Variants in TSC22D2 observed in about 807,000 individuals in gnomAD.
TSC22D2 encodes the protein TSC22 domain family protein 2.
Under a neutral mutation model 50.1 loss-of-function variants are expected in TSC22D2, and 5 were observed. The observed-to-expected ratio is 0.10, with a 90% confidence interval of 0.05 to 0.21. The LOEUF (loss-of-function observed/expected upper bound fraction) is 0.21, where lower values mean the gene tolerates loss of function less well. Among genes scored for constraint, TSC22D2 ranks in the 10% least tolerant of loss-of-function variants. The probability of loss-of-function intolerance (pLI) is 1.00; values close to 1 mark genes in which losing one functional copy is unlikely to be tolerated. For synonymous variants in TSC22D2, 501 were observed against 450.1 expected (o/e 1.11, Z -1.43); for missense variants, 1,003 against 1,015.5 (o/e 0.99, Z 0.17).
In TSC22D2 at chr3:150,458,640, T is replaced by G; in HGVS notation, c.*4T>G. ...GCCGAATGTCTCCTCAGCATAAAGC[T>G]TTCTTAAGCCTCATTAAGAAAAAAA... On this transcript the variant is annotated 3_prime_UTR_variant, in exon 3 of 3. Coordinates refer to ENST00000688009, the MANE Select transcript of TSC22D2 (RefSeq NM_001303264.2). The G allele has an allele frequency of 1.4e-5, 22 of 1,613,456 alleles. No homozygotes were observed. The highest frequency in any genetic ancestry group is 1.9e-5 in the Non-Finnish European group (22 of 1,179,720).
At chr3:150,429,753 G>A (rs1318859085) in intron 1 of TSC22D2, among the ~76,000 whole-genome samples, 1 of 152,098 alleles carries the variant, frequency 6.6e-6, no homozygotes, top group Non-Finnish European at 1.5e-5. Context: ...AGTATTAGAT[G>A]CCTGGTCATA....
intron 1 of TSC22D2, among the ~76,000 whole-genome samples, chr3:150,446,695 G>C (rs1353923487): frequency 6.6e-6 from 1 of 151,778 alleles, no homozygotes; most frequent in Non-Finnish European, 1.5e-5. Flanking sequence ...GTCTAAATCA[G>C]AATCAAGCAA....
intron 1 of TSC22D2, among the ~76,000 whole-genome samples, chr3:150,436,743 AG>A (rs1310219027): frequency 1.3e-5 from 2 of 152,228 alleles, no homozygotes; most frequent in Admixed American, 6.5e-5. Flanking sequence ...TTTATATTGA[AG>A]TCAAATGTGT....
In TSC22D2 at chr3:150,409,309, A is replaced by C; in HGVS notation, c.-42A>C. 6.5e-7 allele frequency: 1 copy of C among 1,545,994 alleles called. No homozygotes were observed. Among genetic ancestry groups the C allele is most frequent in the South Asian group, 1.2e-5 (1 of 83,178 alleles). On this transcript the variant is annotated 5_prime_UTR_variant, in exon 1 of 3. Transcript: ENST00000688009. This position sits in a 1 kb window ranked among gnomAD's most constrained non-coding sequence, Gnocchi z 7.4. ...CCCTCCCCGGTTTCCGACAGGACCC[A>C]GAGGAGCCGGCGTGCCTCTCTGCCC...
intron 1 of TSC22D2, among the ~76,000 whole-genome samples, chr3:150,419,082 A>T (rs1002321081): frequency 1.3e-5 from 2 of 152,102 alleles, no homozygotes; most frequent in African/African-American, 4.8e-5. Flanking sequence ...TTGGAAACTA[A>T]CCTTATATTA....
chr3:150,414,594 TTTTA>T (rs1468458750), intron 1 of TSC22D2, among the ~76,000 whole-genome samples: 1 of 152,134 alleles, frequency 6.6e-6, no homozygotes, highest in African/African-American at 2.4e-5. Flanking sequence ...TTGTTAATGG[TTTTA>T]TTTGTGTGGT....
chr3:150,459,572 G>GTTTTTTTTTTTTGT lies in TSC22D2; in HGVS notation c.*948_*949insGTTTTTTTTTTTTT, dbSNP rs1721310932. 1 of 115,560 alleles carries GTTTTTTTTTTTTGT rather than the reference G, an allele frequency of 8.7e-6. No homozygotes were observed. The highest frequency in any genetic ancestry group is 1.8e-5 in the Non-Finnish European group (1 of 55,828). 7.2% of individuals were successfully genotyped at this position (115,560 alleles called of 1,614,324 possible). On this transcript the variant is annotated 3_prime_UTR_variant, in exon 3 of 3. Coordinates refer to ENST00000688009, the MANE Select transcript of TSC22D2 (RefSeq NM_001303264.2). The stretch of plus-strand genomic sequence containing the variant: ...TAATGGAGTTTGGTTTTTTTTTGTT[G>GTTTTTTTTTTTTGT]TTTTTTTTTTTTTGTCTTTTTTTTT...
At chr3:150,438,915 A>G (rs1720631900) in intron 1 of TSC22D2, among the ~76,000 whole-genome samples, 1 of 152,100 alleles carries the variant, frequency 6.6e-6, no homozygotes, top group Non-Finnish European at 1.5e-5. Context: ...CACATTTTTT[A>G]TATTCCCCGA....
At position 150,410,731 on chromosome 3, in the gene TSC22D2, A is replaced by C. The variant is rs911256278; in HGVS notation, c.1381A>C (p.Thr461Pro). ...PCQPTGVPPATVGGVVQPCLG... is the reference protein window; with the variant it reads ...PCQPTGVPPAPVGGVVQPCLG... ...TCAGCCGACTGGAGTGCCCCCGGCT[A>C]CTGTGGGAGGCGTGGTGCAGCCGTG... Residue 461 changes from threonine to proline, a missense_variant, in exon 1 of 3, where the codon ACT becomes CCT. Physicochemically the swap from Thr to Pro is conservative, Grantham distance 38. Around this residue, in one of 6 missense-constraint regions of TSC22D2, gnomAD observed 696 missense variants for 647.8 expected, o/e 1.07. Coordinates refer to ENST00000688009, the MANE Select transcript of TSC22D2 (RefSeq NM_001303264.2). 15 of 1,598,718 alleles carry C rather than the reference A, an allele frequency of 9.4e-6. No homozygotes were observed. The highest frequency in any genetic ancestry group is 1.2e-5 in the Non-Finnish European group (14 of 1,173,304).
intron 1 of TSC22D2, among the ~76,000 whole-genome samples, chr3:150,422,636 G>T (rs1720052168): frequency 6.6e-6 from 1 of 152,176 alleles, no homozygotes; most frequent in Admixed American, 6.5e-5. Flanking sequence ...ATATTGTGAA[G>T]ATATAGCTTA....
At chr3:150,420,245 CCTT>C (rs1719961009) in intron 1 of TSC22D2, among the ~76,000 whole-genome samples, 1 of 152,196 alleles carries the variant, frequency 6.6e-6, no homozygotes, top group African/African-American at 2.4e-5. Context: ...AGACTTGACT[CCTT>C]TAATCTGTTA....
At position 150,422,985 on chromosome 3, in the gene TSC22D2, T is replaced by A; in HGVS notation, c.1958+11677T>A. The A allele has an allele frequency of 4.2e-6, 5 of 1,201,934 alleles. No individual in the cohort carries two copies. The South Asian group carries it at 6.9e-5, about 17-fold the overall frequency. 74.5% of individuals were successfully genotyped at this position (1,201,934 alleles called of 1,614,324 possible). A position where few individuals can be genotyped will look rare whatever the true frequency, so the allele number is the denominator to read the frequency against. On this transcript the variant is annotated intron_variant, in intron 1 of 2. Coordinates refer to ENST00000688009, the MANE Select transcript of TSC22D2 (RefSeq NM_001303264.2). ...AAATCTAAAATCTTCCATCTTCTTT[T>A]GAAAAGTAGTGATTATACTGTACGT...
intron 1 of TSC22D2, chr3:150,438,199 A>ATT: frequency 2.4e-6 from 1 of 419,410 alleles, no homozygotes; most frequent in Non-Finnish European, 4.9e-6. Flanking sequence ...CTTTGCTAGA[A>ATT]TTTTTTTTAG....
chr3:150,440,606 T>G (rs1720683622), intron 1 of TSC22D2, among the ~76,000 whole-genome samples: 2 of 143,964 alleles, frequency 1.4e-5, no homozygotes, highest in African/African-American at 5.1e-5. Flanking sequence ...TAGTGGGATA[T>G]ATTGCATGTA....
chr3:150,418,040 G>A (rs1161397313), intron 1 of TSC22D2, among the ~76,000 whole-genome samples: 1 of 152,028 alleles, frequency 6.6e-6, no homozygotes, highest in Non-Finnish European at 1.5e-5. Context: ...TGTGCTTCAT[G>A]AGAGAACTGC....
At chr3:150,417,140 G>A (rs567650343) in intron 1 of TSC22D2, among the ~76,000 whole-genome samples, 1 of 152,156 alleles carries the variant, frequency 6.6e-6, no homozygotes, top group African/African-American at 2.4e-5. Flanking sequence ...TTTCCCATAA[G>A]CCTTTCCTAA....
rs1266011434 is a variant in TSC22D2, at chr3:150,410,981, A to G, written c.1631A>G (p.His544Arg). ...GCCCAGTCGCAACAGCTGAGCAGCC[A>G]TACGCCAGTCAGCAGGAGCAGCAGC... The part of the protein sequence containing the change: ...PLAQSQQLSS[H>R]TPVSRSSSII... Residue 544 changes from histidine to arginine, a missense_variant, in exon 1 of 3, where the codon CAT (histidine) becomes CGT (arginine). This residue lies in a region of TSC22D2 where 696 missense variants were observed against 647.8 expected (regional missense o/e 1.07). Transcript: ENST00000688009. 6 of 1,614,238 alleles carry G rather than the reference A, an allele frequency of 3.7e-6. No individual in the cohort carries two copies. Among genetic ancestry groups the G allele is most frequent in the Non-Finnish European group, 4.2e-6 (5 of 1,180,044 alleles).
intron 1 of TSC22D2, among the ~76,000 whole-genome samples, chr3:150,448,534 A>G (rs1238284935): frequency 6.6e-6 from 1 of 152,148 alleles, no homozygotes; most frequent in Non-Finnish European, 1.5e-5. Context: ...AATAAATGTA[A>G]TTCCATATTA....
At chr3:150,428,244 C>G (rs1398608260) in intron 1 of TSC22D2, among the ~76,000 whole-genome samples, 1 of 152,088 alleles carries the variant, frequency 6.6e-6, no homozygotes, top group African/African-American at 2.4e-5. Flanking sequence ...ACTACAGTTG[C>G]TATTCTCACA....
Sources: gnomAD v4.1 joint callset for allele counts (sites outside exome capture counted in the v4.1 genomes callset) on GRCh38, gnomAD v4.1.1 for gene constraint, gnomAD v4.1.1 regional missense constraint, Gnocchi (gnomAD v3.1) non-coding constraint, MANE v1.5 for transcripts, NCBI Gene and HGNC (gene_info 2026-07-23, HGNC 2026-07-21) for gene names.